FAT1: variants seen among roughly 807,000 people sequenced by gnomAD.
FAT1 encodes FAT atypical cadherin 1.
Under a neutral mutation model 329.8 loss-of-function variants are expected in FAT1, and 171 were observed. The ratio of observed to expected loss-of-function variants is 0.52; its 90% CI spans 0.46 to 0.59. The LOEUF (loss-of-function observed/expected upper bound fraction) is 0.59. Ranked by LOEUF, FAT1 falls within the 20% of genes least tolerant of loss-of-function variation. The pLI is 0.00. For missense variants in FAT1, 5,672 were observed against 5,774.4 expected, an observed-to-expected ratio of 0.98 and a Z score of 0.57; for synonymous variants, 2,233 against 2,228.6, an observed-to-expected ratio of 1.00 and a Z score of -0.06.
intron 3 of FAT1, among the ~76,000 whole-genome samples, chr4:186,662,868 A>G (rs1045280462): frequency 1.5e-4 from 22 of 151,584 alleles, no homozygotes; most frequent in Non-Finnish European, 2.9e-4. Context: ...ATGGAGTCTC[A>G]CTCTGTCGCC....
chr4:186,649,116 C>T (rs1319747169), intron 3 of FAT1, among the ~76,000 whole-genome samples: 1 of 131,682 alleles, frequency 7.6e-6, no homozygotes, highest in Non-Finnish European at 1.8e-5. Flanking sequence ...GCAAAAAATG[C>T]AACAAAGAAG....
At chr4:186,604,303 T>C (rs1742933328) in intron 18 of FAT1, 74 bp downstream of exon 18, 4 of 1,261,984 alleles carry the variant, frequency 3.2e-6, no homozygotes, top group African/African-American at 3.0e-5. Context: ...GCTGTTCAAA[T>C]AGAAGAGGGG....
intron 2 of FAT1, among the ~76,000 whole-genome samples, chr4:186,699,103 T>C (rs1025346885): frequency 3.3e-5 from 5 of 152,026 alleles, no homozygotes; most frequent in African/African-American, 1.2e-4. Flanking sequence ...GGAAAGACCA[T>C]AAAATAGGGC....
At chr4:186,697,537 C>A (rs1579466011) in intron 2 of FAT1, among the ~76,000 whole-genome samples, 1 of 152,316 alleles carries the variant, frequency 6.6e-6, no homozygotes, top group East Asian at 1.9e-4. Context: ...GTTCTTATTT[C>A]ACTTGGAAAC....
rs2126432464 is a variant in FAT1 at position 186,603,733 on chromosome 4, T to C, written c.10793A>G (p.Lys3598Arg). Reference sequence around the variant, plus strand: ...GTCTAGCTTTTTGTGTGCTATCAGCTTGCCCCCTGTGCTGGAAACAGAGAA... The same window carrying C: ...GTCTAGCTTTTTGTGTGCTATCAGCCTGCCCCCTGTGCTGGAAACAGAGAA... ...NLFSVSSTGG[K>R]LIAHKKLDIG... The change falls in exon 19 of 27, where the codon AAG (lysine) becomes AGG (arginine). Residue 3598 changes from lysine to arginine, a missense_variant. By Grantham distance (26) the Lys-to-Arg change is conservative. This residue lies in a region of FAT1 where 1,706 missense variants were observed against 1,859.1 expected (regional missense o/e 0.92). Transcript: ENST00000441802. The C allele has an allele frequency of 6.2e-7, 1 of 1,613,982 alleles. No individual in the cohort carries two copies. The highest frequency in any genetic ancestry group is 8.5e-7 in the Non-Finnish European group (1 of 1,179,902).
intron 22 of FAT1, chr4:186,598,744 CA>C (rs78045499): frequency 0.039 from 5,897 of 152,448 alleles, 241 homozygotes; most frequent in East Asian, 0.17. Flanking sequence ...CAGGCTGCCT[CA>C]CTTCTAGCCT....
intron 3 of FAT1, among the ~76,000 whole-genome samples, chr4:186,641,824 T>C (rs1222897080): frequency 1.3e-5 from 2 of 152,054 alleles, no homozygotes; most frequent in Non-Finnish European, 2.9e-5. Flanking sequence ...CTGGCCAACA[T>C]GGCGAAACCC....
At position 186,620,118 on chromosome 4, in the gene FAT1, T is replaced by A. The variant is rs765140506; in HGVS notation, c.6468A>T (p.Ala2156=). 6.2e-7 allele frequency: 1 copy of A among 1,614,038 alleles called. No individual in the cohort carries two copies. The highest frequency in any genetic ancestry group is 1.1e-5 in the South Asian group (1 of 91,084). ...LNKEYLVTVV[A]KDGGNPAFSA... The stretch of plus-strand genomic sequence containing the variant: ...AAAAGGCCGGGTTCCCTCCATCTTT[T>A]GCAACCACTGTAACAAGATATTCTT... The change falls in exon 10 of 27, where the codon GCA becomes GCT. Residue 2156 remains alanine, a synonymous_variant. Coordinates refer to ENST00000441802, the MANE Select transcript of FAT1 (RefSeq NM_005245.4).
At position 186,720,333 on chromosome 4, in the gene FAT1, T is replaced by A. The variant is rs191272; in HGVS notation, c.-19+3331A>T. ...CTCATAAAAACAATCCTCCCTTTTT[T>A]AATAAGATTATTTAAGTCATAGTCA... is the stretch of plus-strand genomic sequence containing the variant. On this transcript the variant is annotated intron_variant, in intron 1 of 26. Coordinates refer to ENST00000441802, the MANE Select transcript of FAT1 (RefSeq NM_005245.4). 9.5e-3 allele frequency among the ~76,000 whole-genome samples: 1,443 copies of A among 152,304 alleles called. 20 individuals carry two copies. The highest frequency in any genetic ancestry group is 0.033 in the African/African-American group (1,368 of 41,562).
intron 2 of FAT1, among the ~76,000 whole-genome samples, chr4:186,698,550 A>G (rs1744144330): frequency 6.6e-6 from 1 of 152,266 alleles, no homozygotes; most frequent in South Asian, 2.1e-4. Context: ...GAGGGCTGTC[A>G]AGAAAGCTTT....
At position 186,620,658 on chromosome 4, in the gene FAT1, G is replaced by C. The variant is rs764882828; in HGVS notation, c.5928C>G (p.His1976Gln). Residue 1976 changes from histidine to glutamine, a missense_variant, in exon 10 of 27, where the codon CAC becomes CAG. Physicochemically the swap from His to Gln is conservative, Grantham distance 24. Transcript: ENST00000441802. The stretch of plus-strand genomic sequence containing the variant: ...AGTAGACATCCTGGGTAAACTTTAG[G>C]TGACTTTCTTTGCTTTCTTTCACAT... ...KINVKESKES[H>Q]LKFTQDVYSA... 1 of 1,613,948 alleles carries C rather than the reference G, an allele frequency of 6.2e-7. No homozygotes were observed. Among genetic ancestry groups the C allele is most frequent in the Non-Finnish European group, 8.5e-7 (1 of 1,179,886 alleles).
chr4:186,705,782 C>T (rs1277258066), intron 2 of FAT1, among the ~76,000 whole-genome samples: 1 of 152,210 alleles, frequency 6.6e-6, no homozygotes, highest in Non-Finnish European at 1.5e-5. Flanking sequence ...CTTGGAGGTC[C>T]CGGTTTCAGA....
chr4:186,709,907 T>G, intron 1 of FAT1, 62 bp from the exon 2 acceptor site: 1 of 1,414,782 alleles, frequency 7.1e-7, no homozygotes, highest in Non-Finnish European at 9.4e-7. Context: ...AGTGTGTACA[T>G]TGTTTTAAAC....
intron 2 of FAT1, among the ~76,000 whole-genome samples, chr4:186,700,463 C>T (rs1397489067): frequency 1.3e-5 from 2 of 152,164 alleles, no homozygotes; most frequent in African/African-American, 2.4e-5. Flanking sequence ...AACTCCTGTC[C>T]TCCTAATTGT....
In FAT1 at chr4:186,707,432, A is replaced by G. The variant is rs770324142; in HGVS notation, c.2396T>C (p.Ile799Thr). ...TLNITVYDLG[I>T]PQKAAWRLLH... ...AAGACGCCACGCAGCCTTCTGGGGT[A>G]TCCCAAGGTCATAGACGGTAATATT... is the stretch of plus-strand genomic sequence containing the variant. Residue 799 changes from isoleucine to threonine, a missense_variant, in exon 2 of 27, where the codon ATA becomes ACA. Transcript: ENST00000441802. The G allele has an allele frequency of 1.2e-6, 2 of 1,614,038 alleles. No homozygotes were observed. Among genetic ancestry groups the G allele is most frequent in the Non-Finnish European group, 1.7e-6 (2 of 1,179,900 alleles).
chr4:186,712,477 T>C (rs781661045), intron 1 of FAT1, among the ~76,000 whole-genome samples: 1 of 152,242 alleles, frequency 6.6e-6, no homozygotes, highest in Non-Finnish European at 1.5e-5. Context: ...GGTGCAGTTC[T>C]AGACGCTGGG....
At chr4:186,642,230 T>A (rs957879894) in intron 3 of FAT1, among the ~76,000 whole-genome samples, 1 of 152,196 alleles carries the variant, frequency 6.6e-6, no homozygotes, top group African/African-American at 2.4e-5. Context: ...GAAGCGGGTT[T>A]AAACTTTTAA....
chr4:186,590,664 A>G (rs1738199219), intron 26 of FAT1: 1 of 456,172 alleles, frequency 2.2e-6, no homozygotes, highest in African/African-American at 2.0e-5. Flanking sequence ...CTCAAATATT[A>G]CTTTCTTTTC....
chr4:186,633,015 T>G (rs1281017773), intron 7 of FAT1, among the ~76,000 whole-genome samples: 1 of 152,170 alleles, frequency 6.6e-6, no homozygotes, highest in Non-Finnish European at 1.5e-5. Context: ...AAATACTTGG[T>G]AAATAAATGA....
Sources: gnomAD v4.1 joint callset for allele counts (sites outside exome capture counted in the v4.1 genomes callset) on GRCh38, gnomAD v4.1.1 for gene constraint, gnomAD v4.1.1 regional missense constraint, MANE v1.5 for transcripts, NCBI Gene and HGNC (gene_info 2026-07-23, HGNC 2026-07-21) for gene names.